The following STOX2 variants were observed in gnomAD, a reference collection of about 807,000 sequenced individuals.
STOX2 encodes storkhead-box protein 2.
Under a neutral mutation model 60.9 loss-of-function variants are expected in STOX2, and 28 were observed. That is an observed-to-expected ratio of 0.46 (90% CI 0.34 to 0.63). STOX2 has a LOEUF of 0.63. Ranked by LOEUF, STOX2 falls within the 30% of genes least tolerant of loss-of-function variation. The pLI is 0.01. For missense variants in STOX2, 1,024 were observed against 1,187.7 expected, an observed-to-expected ratio of 0.86 and a Z score of 2.03; for synonymous variants, 472 against 463.9, an observed-to-expected ratio of 1.02 and a Z score of -0.22.
chr4:184,006,649 C>T (rs1733840622), intron 2 of STOX2, among the ~76,000 whole-genome samples: 2 of 135,498 alleles, frequency 1.5e-5, no homozygotes, highest in Admixed American at 8.4e-5. Context: ...GATCTTGTCA[C>T]TGCACTCCAG....
At position 183,856,105 on chromosome 4, in the gene STOX2, A is replaced by G. The variant is rs1375504245; in HGVS notation, c.364+58050A>G. The stretch of plus-strand genomic sequence containing the variant: ...CTTGCTGCAGGGATGGACCTCTCAG[A>G]AACATCCTAAGTGCGCACCCTGGGG... On this transcript the variant is annotated intron_variant, in intron 1 of 2. Transcript: ENST00000513034. This position sits in a 1 kb window ranked among gnomAD's most constrained non-coding sequence, Gnocchi z 4.0. Among the ~76,000 whole-genome samples, 1 of 152,136 alleles carries G rather than the reference A, an allele frequency of 6.6e-6. No individual in the cohort carries two copies. The highest frequency in any genetic ancestry group is 2.4e-5 in the African/African-American group (1 of 41,414).
intron 1 of STOX2, among the ~76,000 whole-genome samples, chr4:183,923,150 C>T (rs1742149515): frequency 6.6e-6 from 1 of 152,208 alleles, no homozygotes; most frequent in South Asian, 2.1e-4. Context: ...CCAGAAGTAG[C>T]ATTGCTGGCT....
intron 1 of STOX2, among the ~76,000 whole-genome samples, chr4:183,961,783 A>C (rs994472576): frequency 6.6e-6 from 1 of 152,246 alleles, no homozygotes; most frequent in Non-Finnish European, 1.5e-5. Flanking sequence ...CCAAAGATAC[A>C]TAAATGTGAT....
rs924823298 is a variant in STOX2 at position 183,932,322 on chromosome 4, G to A, written c.166+25366G>A. Among the ~76,000 whole-genome samples, 19 of 34,848 alleles carry A rather than the reference G, an allele frequency of 5.5e-4. 1 individual carries two copies. The highest frequency in any genetic ancestry group is 8.1e-4 in the Non-Finnish European group (5 of 6,202). 22.9% of individuals were successfully genotyped at this position (34,848 alleles called of 152,430 possible). Reference sequence around the variant, plus strand: ...GTGTCAGTGTATACATACAGTATATGTATGTATACATACAGTATATGTATG... The same window carrying A: ...GTGTCAGTGTATACATACAGTATATATATGTATACATACAGTATATGTATG... On this transcript the variant is annotated intron_variant, in intron 1 of 3. Transcript: ENST00000308497.
chr4:183,885,499 G>A (rs960815078), intron 1 of STOX2, among the ~76,000 whole-genome samples: 5 of 152,164 alleles, frequency 3.3e-5, no homozygotes. Context: ...TCTGTGCAGC[G>A]AGACAAATGA....
At chr4:183,854,450 T>A (rs1211091812) in intron 1 of STOX2, among the ~76,000 whole-genome samples, 2 of 152,220 alleles carry the variant, frequency 1.3e-5, no homozygotes, top group Admixed American at 1.3e-4. Context: ...TAATCAGGGC[T>A]TATATTTGCT....
Position 184,017,551 on chromosome 4 carries a change from AG to A in STOX2, c.*269del. 1 of 327,670 alleles carries A rather than the reference AG, an allele frequency of 3.1e-6. No homozygotes were observed. The allele number at this position is 327,670 out of a possible 1,614,324, so 20.3% of individuals were successfully genotyped here. On this transcript the variant is annotated 3_prime_UTR_variant, in exon 4 of 4. Coordinates refer to ENST00000308497, the MANE Select transcript of STOX2 (RefSeq NM_020225.3). The stretch of plus-strand genomic sequence containing the variant: ...TCACTAATTGTATCTGAGCACACAT[AG>A]GAAAGTCTAGACACTGTAAGTGTAA...
intron 1 of STOX2, among the ~76,000 whole-genome samples, chr4:183,850,997 G>A (rs1373278621): frequency 3.3e-5 from 4 of 121,826 alleles, no homozygotes; most frequent in South Asian, 6.0e-4. Flanking sequence ...AAAGGATGAG[G>A]GAAAGGATGA....
At chr4:183,889,024 C>T (rs936241790) in intron 1 of STOX2, among the ~76,000 whole-genome samples, 6 of 151,470 alleles carry the variant, frequency 4.0e-5, no homozygotes, top group Admixed American at 2.0e-4. Context: ...GTTATTGGAC[C>T]GTCTTTTGCT....
upstream of STOX2, among the ~76,000 whole-genome samples, chr4:183,904,616 C>T (rs887947241): frequency 1.3e-5 from 2 of 152,194 alleles, no homozygotes; most frequent in African/African-American, 4.8e-5. Flanking sequence ...ATTCCATAGG[C>T]TACTTAGTGA....
In STOX2 at chr4:183,970,139, CGTGTGTGTGTGTGT is replaced by C. The variant is rs3042606; in HGVS notation, c.167-31156_167-31143del. On this transcript the variant is annotated intron_variant, in intron 1 of 3. Coordinates refer to ENST00000308497, the MANE Select transcript of STOX2 (RefSeq NM_020225.3). ...CAATCTCAGTCTATAACTACATGTA[CGTGTGTGTGTGTGT>C]GTGTGTGTGTGTGTGTGTGTGTGTG... Among the ~76,000 whole-genome samples, 794 of 126,978 alleles carry C rather than the reference CGTGTGTGTGTGTGT, an allele frequency of 6.3e-3. 8 individuals are homozygous for C. The highest frequency in any genetic ancestry group is 9.8e-3 in the Non-Finnish European group (617 of 63,246). 83.3% of individuals were successfully genotyped at this position (126,978 alleles called of 152,430 possible).
intron 2 of STOX2, among the ~76,000 whole-genome samples, chr4:184,006,995 G>T (rs113309963): frequency 8.5e-6 from 1 of 117,782 alleles, no homozygotes; most frequent in Non-Finnish European, 1.6e-5. Context: ...CAGCCTGGGC[G>T]ACAGAGCGAG....
intron 1 of STOX2, among the ~76,000 whole-genome samples, chr4:183,916,636 A>G (rs1230109608): frequency 1.3e-5 from 2 of 152,218 alleles, no homozygotes; most frequent in Non-Finnish European, 2.9e-5. Flanking sequence ...CCAACGTAAT[A>G]TTAAAAGAGC....
In STOX2 at chr4:183,818,840, C is replaced by T. The variant is rs1055875271; in HGVS notation, c.364+20785C>T. 3.3e-5 allele frequency among the ~76,000 whole-genome samples: 5 copies of T among 151,666 alleles called. 1 individual carries two copies. The highest frequency in any genetic ancestry group is 4.2e-4 in the South Asian group (2 of 4,792). On this transcript the variant is annotated intron_variant, in intron 1 of 2. Coordinates refer to the STOX2 transcript ENST00000513034. Reference sequence around the variant, plus strand: ...CTCACCTCCCAGACGGGGTCGCGACCGGGCAGAGGCGCTCCTCACATCCCA... The same window carrying T: ...CTCACCTCCCAGACGGGGTCGCGACTGGGCAGAGGCGCTCCTCACATCCCA...
At chr4:183,882,864 C>T (rs1740987593) in intron 1 of STOX2, among the ~76,000 whole-genome samples, 1 of 152,182 alleles carries the variant, frequency 6.6e-6, no homozygotes, top group African/African-American at 2.4e-5. Context: ...CCACCTCTTG[C>T]ACCAGTGTTT....
chr4:183,990,779 G>C (rs562675908), intron 1 of STOX2, among the ~76,000 whole-genome samples: 2 of 151,842 alleles, frequency 1.3e-5, no homozygotes, highest in Non-Finnish European at 2.9e-5. Flanking sequence ...TACCCTGCTT[G>C]TAAAGAACTG....
intron 1 of STOX2, among the ~76,000 whole-genome samples, chr4:183,898,948 G>A (rs556496821): frequency 1.1e-4 from 16 of 152,222 alleles, no homozygotes; most frequent in African/African-American, 3.4e-4. Context: ...TTCTGTCAAC[G>A]CTGTGGTGAG....
chr4:184,016,596 A>C (rs115685936), intron 3 of STOX2, among the ~76,000 whole-genome samples: 2 of 152,158 alleles, frequency 1.3e-5, no homozygotes, highest in African/African-American at 2.4e-5. Flanking sequence ...AGGGTCCCCC[A>C]AAAAAGGGCA....
At chr4:183,853,220 C>G (rs1740206330) in intron 1 of STOX2, among the ~76,000 whole-genome samples, 1 of 152,122 alleles carries the variant, frequency 6.6e-6, no homozygotes, top group Non-Finnish European at 1.5e-5. Flanking sequence ...CTGGAAATGC[C>G]GAAAGGAGAT....
Sources: gnomAD v4.1 joint callset for allele counts (sites outside exome capture counted in the v4.1 genomes callset) on GRCh38, gnomAD v4.1.1 for gene constraint, Gnocchi (gnomAD v3.1) non-coding constraint, MANE v1.5 for transcripts, NCBI Gene and HGNC (gene_info 2026-07-23, HGNC 2026-07-21) for gene names.